Variants in ETV6 observed in about 807,000 individuals in gnomAD.
The protein encoded by ETV6 is transcription factor ETV6.
A neutral mutation model predicts 51.1 loss-of-function variants in ETV6; 16 were observed. The ratio of observed to expected loss-of-function variants is 0.31; its 90% CI spans 0.21 to 0.48. The LOEUF (loss-of-function observed/expected upper bound fraction) is 0.48, where lower values mean the gene tolerates loss of function less well. Ranked by LOEUF, ETV6 falls within the 20% of genes least tolerant of loss-of-function variation. ETV6 has a pLI of 0.99. For synonymous variants in ETV6, 240 were observed against 224.1 expected (o/e 1.07, Z -0.64); for missense variants, 458 against 594.8 (o/e 0.77, Z 2.39).
intron 1 of ETV6, among the ~76,000 whole-genome samples, chr12:11,722,405 A>T (rs1346502506): frequency 1.3e-5 from 2 of 152,192 alleles, no homozygotes; most frequent in East Asian, 1.9e-4. Context: ...AAATGTAGAG[A>T]TACATTCACC....
At chr12:11,650,481 T>TAAAAAAAAAAAAAAAAAAAAAAAAAAAAA (rs367594605) in intron 1 of ETV6, among the ~76,000 whole-genome samples, 1 of 43,328 alleles carries the variant, frequency 2.3e-5, no homozygotes, top group Admixed American at 3.4e-4. Context: ...TTAGTGCGCT[T>TAAAAAAAAAAAAAAAAAAAAAAAAAAAAA]AAAAAAAAAA....
intron 5 of ETV6, among the ~76,000 whole-genome samples, chr12:11,870,230 A>T (rs1946860026): frequency 6.6e-6 from 1 of 152,166 alleles, no homozygotes; most frequent in South Asian, 2.1e-4. Context: ...GGAGAGTCAC[A>T]TCAGAATCAA....
At chr12:11,833,702 A>C (rs542501632) in intron 2 of ETV6, among the ~76,000 whole-genome samples, 1 of 152,180 alleles carries the variant, frequency 6.6e-6, no homozygotes, top group African/African-American at 2.4e-5. Context: ...TGCTGCAGGG[A>C]TTAAATGAGT....
intron 1 of ETV6, among the ~76,000 whole-genome samples, chr12:11,739,604 G>A (rs532855164): frequency 6.6e-6 from 1 of 152,098 alleles, no homozygotes; most frequent in Admixed American, 6.5e-5. Flanking sequence ...TTTAGTGTCG[G>A]ATTTGAAATG....
At chr12:11,652,392 C>G (rs1322563277) in intron 1 of ETV6, among the ~76,000 whole-genome samples, 2 of 152,104 alleles carry the variant, frequency 1.3e-5, no homozygotes, top group African/African-American at 4.8e-5. Context: ...TCATTTAGTC[C>G]TTGGGATGTG....
At chr12:11,810,309 G>C (rs760495221) in intron 2 of ETV6, among the ~76,000 whole-genome samples, 3 of 152,158 alleles carry the variant, frequency 2.0e-5, no homozygotes, top group African/African-American at 7.2e-5. Flanking sequence ...TTGAGAGCTC[G>C]TGTAGAAAGC....
intron 1 of ETV6, among the ~76,000 whole-genome samples, chr12:11,660,314 G>A: frequency 6.6e-6 from 1 of 152,182 alleles, no homozygotes; most frequent in East Asian, 1.9e-4. Context: ...TTCATAAAAA[G>A]GGAGATGGGG....
At chr12:11,666,146 ATTCCTCT>A (rs900191324) in intron 1 of ETV6, among the ~76,000 whole-genome samples, 4 of 152,098 alleles carry the variant, frequency 2.6e-5, no homozygotes, top group Non-Finnish European at 5.9e-5. Flanking sequence ...CCCCCACCCC[ATTCCTCT>A]AAGAGCTAGT....
chr12:11,728,542 C>G (rs908635491), intron 1 of ETV6, among the ~76,000 whole-genome samples: 4 of 152,172 alleles, frequency 2.6e-5, no homozygotes, highest in African/African-American at 9.7e-5. Flanking sequence ...TTGAATCATC[C>G]TGAAAGCATC....
At chr12:11,702,884 T>C (rs1865010195) in intron 1 of ETV6, among the ~76,000 whole-genome samples, 1 of 152,176 alleles carries the variant, frequency 6.6e-6, no homozygotes, top group Admixed American at 6.5e-5. Flanking sequence ...GCCGGGTAGA[T>C]CGCTTGAGCC....
intron 1 of ETV6, among the ~76,000 whole-genome samples, chr12:11,722,616 A>G (rs1403673736): frequency 1.3e-5 from 2 of 152,226 alleles, no homozygotes; most frequent in Non-Finnish European, 1.5e-5. Context: ...TACGTCAAAG[A>G]GTAAAGTCAG....
intron 2 of ETV6, among the ~76,000 whole-genome samples, chr12:11,769,635 G>A (rs140469001): frequency 0.016 from 2,410 of 152,172 alleles, 31 homozygotes; most frequent in Non-Finnish European, 0.026. Flanking sequence ...CAGCCAGTGG[G>A]GTCTTTTAAA....
chr12:11,654,421 G>A (rs1166077971), intron 1 of ETV6, among the ~76,000 whole-genome samples: 1 of 152,146 alleles, frequency 6.6e-6, no homozygotes, highest in Admixed American at 6.6e-5. Flanking sequence ...GAGGACACAG[G>A]CCTACAGGTT....
chr12:11,805,588 G>T (rs1945817439), intron 2 of ETV6, among the ~76,000 whole-genome samples: 1 of 152,212 alleles, frequency 6.6e-6, no homozygotes, highest in African/African-American at 2.4e-5. Context: ...AGTTAATTGG[G>T]CAAAGAAGAA....
intron 1 of ETV6, among the ~76,000 whole-genome samples, chr12:11,694,875 C>G (rs1379664301): frequency 2.0e-5 from 3 of 152,108 alleles, no homozygotes; most frequent in African/African-American, 7.2e-5. Flanking sequence ...TTTGGTTCAA[C>G]ATGTCTTATG....
At chr12:11,868,565 G>A (rs1198720977) in intron 4 of ETV6, among the ~76,000 whole-genome samples, 2 of 151,210 alleles carry the variant, frequency 1.3e-5, no homozygotes, top group African/African-American at 4.9e-5. Context: ...AGCCTCCCGA[G>A]TAACTGGGAT....
chr12:11,689,712 G>T (rs1336336478), intron 1 of ETV6, among the ~76,000 whole-genome samples: 1 of 151,336 alleles, frequency 6.6e-6, no homozygotes, highest in Non-Finnish European at 1.5e-5. Flanking sequence ...CATGTCTTTT[G>T]TGGACATTGG....
intron 4 of ETV6, among the ~76,000 whole-genome samples, chr12:11,858,569 GAGA>G (rs1946666431): frequency 6.6e-6 from 1 of 152,120 alleles, no homozygotes; most frequent in Non-Finnish European, 1.5e-5. Context: ...AGTCTGTAGG[GAGA>G]AGGAGCAAGA....
intron 2 of ETV6, among the ~76,000 whole-genome samples, chr12:11,767,865 C>T (rs1436599778): frequency 2.0e-5 from 3 of 152,126 alleles, no homozygotes; most frequent in Non-Finnish European, 2.9e-5. Flanking sequence ...TGGGTGCTTG[C>T]CAGATATGTC....
Sources: gnomAD v4.1 joint callset for allele counts (sites outside exome capture counted in the v4.1 genomes callset) on GRCh38, gnomAD v4.1.1 for gene constraint, MANE v1.5 for transcripts, NCBI Gene and HGNC (gene_info 2026-07-23, HGNC 2026-07-21) for gene names.